Variants in TANC2 observed in about 807,000 individuals in gnomAD.
TANC2 encodes the protein protein TANC2.
TANC2 carries 26 observed loss-of-function variants against 210.5 expected under a neutral mutation model. The ratio of observed to expected loss-of-function variants is 0.12; its 90% confidence interval spans 0.09 to 0.17. The LOEUF (loss-of-function observed/expected upper bound fraction) is 0.17, where lower values mean the gene tolerates loss of function less well. Ranked by LOEUF, TANC2 falls within the 10% of genes least tolerant of loss-of-function variation. The pLI, the probability that TANC2 is intolerant of heterozygous loss-of-function variation, is 1.00. For synonymous variants in TANC2, 931 were observed against 967.1 expected (o/e 0.96, Z 0.69); for missense variants, 2,129 against 2,608.9 (o/e 0.82, Z 4.01).
intron 2 of TANC2, among the ~76,000 whole-genome samples, chr17:63,037,229 G>A (rs117493054): frequency 0.02 from 3,079 of 152,140 alleles, 41 homozygotes; most frequent in South Asian, 0.036. Context: ...ATACAGCATG[G>A]ATATGCCAGA....
At chr17:63,387,558 G>A (rs1375216024) in intron 15 of TANC2, among the ~76,000 whole-genome samples, 2 of 152,186 alleles carry the variant, frequency 1.3e-5, no homozygotes, top group African/African-American at 4.8e-5. Context: ...GACAAAGAAA[G>A]CAGAAGTAGC....
intron 26 of TANC2, among the ~76,000 whole-genome samples, chr17:63,417,309 G>A (rs1223157410): frequency 6.6e-6 from 1 of 152,132 alleles, no homozygotes; most frequent in African/African-American, 2.4e-5. Context: ...CATAACCAGA[G>A]GCTACCATGC....
intron 5 of TANC2, among the ~76,000 whole-genome samples, chr17:63,173,571 T>C (rs1162264518): frequency 6.6e-6 from 1 of 152,224 alleles, no homozygotes; most frequent in Non-Finnish European, 1.5e-5. Context: ...GTGCTTCCAG[T>C]TAGCGCATAT....
intron 4 of TANC2, among the ~76,000 whole-genome samples, chr17:63,143,885 G>T (rs896078556): frequency 6.6e-6 from 1 of 151,974 alleles, no homozygotes; most frequent in Non-Finnish European, 1.5e-5. Flanking sequence ...GGGTACAGGG[G>T]CTCTCACCTG....
At chr17:63,016,880 T>G (rs1425184668) in intron 2 of TANC2, among the ~76,000 whole-genome samples, 3 of 152,226 alleles carry the variant, frequency 2.0e-5, no homozygotes, top group Non-Finnish European at 4.4e-5. Flanking sequence ...CCTTACCTAT[T>G]TTTGAATTGG....
At chr17:63,107,135 A>G (rs951572972) in intron 4 of TANC2, among the ~76,000 whole-genome samples, 1 of 151,696 alleles carries the variant, frequency 6.6e-6, no homozygotes, top group African/African-American at 2.4e-5. Context: ...AAGAAAAACA[A>G]TAAGAAAAAT....
chr17:62,968,019 A>G (rs1289561495), intron 1 of TANC2, among the ~76,000 whole-genome samples: 1 of 152,150 alleles, frequency 6.6e-6, no homozygotes, highest in Non-Finnish European at 1.5e-5. Context: ...TTATGTCTCT[A>G]TATAGATATA....
chr17:63,021,356 A>G (rs1349098288), intron 2 of TANC2, among the ~76,000 whole-genome samples: 1 of 152,178 alleles, frequency 6.6e-6, no homozygotes, highest in Non-Finnish European at 1.5e-5. Flanking sequence ...TACCTTTAAG[A>G]GATGAGTTAG....
rs1325198692 is a variant in TANC2, at chr17:63,418,137, G to A, written c.4168-170G>A. Reference sequence around the variant, plus strand: ...AGCGCTACACAGGACAAAGGCAGAAGGAACTTTCAGTCCACAGGCCACGCG... The same window carrying A: ...AGCGCTACACAGGACAAAGGCAGAAAGAACTTTCAGTCCACAGGCCACGCG... On this transcript the variant is annotated intron_variant, in intron 26 of 27. Transcript: ENST00000689528. This position sits in a 1 kb window ranked among gnomAD's most constrained non-coding sequence, Gnocchi z 4.6. 6.6e-6 allele frequency among the ~76,000 whole-genome samples: 1 copy of A among 152,264 alleles called. No individual in the cohort carries two copies. The highest frequency in any genetic ancestry group is 1.5e-5 in the Non-Finnish European group (1 of 68,040).
chr17:63,109,439 A>C (rs1425694337), intron 4 of TANC2, among the ~76,000 whole-genome samples: 1 of 151,626 alleles, frequency 6.6e-6, no homozygotes, highest in Non-Finnish European at 1.5e-5. Flanking sequence ...CACACAAAAA[A>C]ACCTTGAATG....
intron 2 of TANC2, among the ~76,000 whole-genome samples, chr17:63,038,987 G>A (rs2035080314): frequency 2.6e-5 from 4 of 152,022 alleles, no homozygotes; most frequent in South Asian, 2.1e-4. Context: ...TTTATCTGTC[G>A]TTTATTGAGT....
Position 63,421,808 on chromosome 17 carries a change from C to G in TANC2, c.6078C>G (p.Ser2026=). 6.2e-7 allele frequency: 1 copy of G among 1,614,076 alleles called. No homozygotes were observed. Among genetic ancestry groups the G allele is most frequent in the Non-Finnish European group, 8.5e-7 (1 of 1,179,914 alleles). The change falls in exon 28 of 28, where the codon TCC becomes TCG. Residue 2026 remains serine, a synonymous_variant. Transcript: ENST00000689528. This position sits in a 1 kb window ranked among gnomAD's most constrained non-coding sequence, Gnocchi z 6.9. ...TCTTGGAGCGAGTCAGCCAGGCCTC[C>G]TCCTATCCCGACGTGAAGGTAGCTC...
At chr17:63,066,085 G>A (rs2036184648) in intron 2 of TANC2, among the ~76,000 whole-genome samples, 1 of 152,086 alleles carries the variant, frequency 6.6e-6, no homozygotes, top group Non-Finnish European at 1.5e-5. Context: ...ACGTCCTGTT[G>A]TCAGGGTCTA....
chr17:63,314,312 A>G lies in TANC2; in HGVS notation c.1160-76A>G, dbSNP rs2045239156. Reference sequence around the variant, plus strand: ...ATGATAACTCAAGTCCCTAAACCACACTGCATTTTTTCTCTCTTTGTTTCT... The same window carrying G: ...ATGATAACTCAAGTCCCTAAACCACGCTGCATTTTTTCTCTCTTTGTTTCT... On this transcript the variant is annotated intron_variant, in intron 9 of 27. Transcript: ENST00000689528. 3.3e-6 allele frequency: 5 copies of G among 1,536,578 alleles called. 1 individual carries two copies. The South Asian group carries it at 3.7e-5, about 11-fold the overall frequency.
At chr17:63,370,750 C>A (rs767480729) in intron 14 of TANC2, among the ~76,000 whole-genome samples, 2 of 152,132 alleles carry the variant, frequency 1.3e-5, no homozygotes, top group Non-Finnish European at 2.9e-5. Flanking sequence ...TGCTTCCCAG[C>A]GTAATTGTTG....
intron 9 of TANC2, among the ~76,000 whole-genome samples, chr17:63,295,950 C>T (rs568657363): frequency 6.6e-6 from 1 of 152,234 alleles, no homozygotes; most frequent in South Asian, 2.1e-4. Context: ...CTCCCCAAGT[C>T]ATGGAGCCAG....
intron 2 of TANC2, among the ~76,000 whole-genome samples, chr17:63,016,324 C>G (rs1357767743): frequency 4.6e-5 from 7 of 152,138 alleles, no homozygotes; most frequent in Admixed American, 4.6e-4. Flanking sequence ...TGCCTGTAAT[C>G]CCGGCATTTT....
chr17:63,223,380 A>G (rs2042246676), intron 7 of TANC2, among the ~76,000 whole-genome samples: 1 of 152,142 alleles, frequency 6.6e-6, no homozygotes, highest in African/African-American at 2.4e-5. Flanking sequence ...CTCCATAGAG[A>G]GAGCAGGGCT....
At chr17:63,221,639 T>G (rs144824079) in intron 7 of TANC2, among the ~76,000 whole-genome samples, 1 of 152,106 alleles carries the variant, frequency 6.6e-6, no homozygotes, top group South Asian at 2.1e-4. Context: ...TGAAAGCATA[T>G]GAATAACAAG....
Sources: gnomAD v4.1 joint callset for allele counts (sites outside exome capture counted in the v4.1 genomes callset) on GRCh38, gnomAD v4.1.1 for gene constraint, Gnocchi (gnomAD v3.1) non-coding constraint, MANE v1.5 for transcripts, NCBI Gene and HGNC (gene_info 2026-07-23, HGNC 2026-07-21) for gene names.